Variants in PRKG1 observed in about 807,000 individuals in gnomAD.
The protein encoded by PRKG1 is cGMP-dependent protein kinase 1.
PRKG1 carries 35 observed loss-of-function variants against 88.1 expected under a neutral mutation model. That is an observed-to-expected ratio of 0.40 (90% CI 0.30 to 0.53). The LOEUF (loss-of-function observed/expected upper bound fraction) is 0.53, where lower values mean the gene tolerates loss of function less well. PRKG1 is among the 20% of genes least tolerant of loss of function. The pLI, the probability that PRKG1 is intolerant of heterozygous loss-of-function variation, is 0.59. For synonymous variants in PRKG1, 303 were observed against 292.5 expected, an observed-to-expected ratio of 1.04 and a Z score of -0.37; for missense variants, 540 against 839.8, an observed-to-expected ratio of 0.64 and a Z score of 4.41.
At chr10:51,852,552 T>G (rs1564675583) in intron 4 of PRKG1, among the ~76,000 whole-genome samples, 1 of 152,144 alleles carries the variant, frequency 6.6e-6, no homozygotes, top group Non-Finnish European at 1.5e-5. Flanking sequence ...GTTCACATAG[T>G]TGGTGAGTAC....
chr10:51,722,160 C>T (rs755625095), intron 3 of PRKG1, among the ~76,000 whole-genome samples: 2 of 150,830 alleles, frequency 1.3e-5, no homozygotes, highest in East Asian at 2.0e-4. Context: ...ACCTGGGAGG[C>T]GGAGGTTGCA....
At position 51,788,368 on chromosome 10, in the gene PRKG1, C is replaced by T. The variant is rs551429113; in HGVS notation, c.593-16217C>T. Reference sequence around the variant, plus strand: ...AGAAAAATCACAAGAAGGAAAATGGCATTCTCATAATGTGCCAAAGCAGAC... The same window carrying T: ...AGAAAAATCACAAGAAGGAAAATGGTATTCTCATAATGTGCCAAAGCAGAC... On this transcript the variant is annotated intron_variant, in intron 3 of 17. Transcript: ENST00000373980. Among the ~76,000 whole-genome samples the T allele has an allele frequency of 6.6e-5, 10 of 152,210 alleles. No homozygotes were observed. The East Asian group carries it at 1.7e-3, about 27-fold the overall frequency.
intron 1 of PRKG1, among the ~76,000 whole-genome samples, chr10:51,012,586 T>G (rs1288085885): frequency 3.3e-5 from 5 of 152,222 alleles, no homozygotes; most frequent in Admixed American, 6.5e-5. Context: ...TTTTAAAACA[T>G]ATTTGAAAGA....
At chr10:51,111,809 T>C (rs1844986003) in intron 1 of PRKG1, among the ~76,000 whole-genome samples, 1 of 152,102 alleles carries the variant, frequency 6.6e-6, no homozygotes, top group Non-Finnish European at 1.5e-5. Flanking sequence ...CGGAGAGGTG[T>C]TTTTACCCAA....
chr10:51,158,054 A>C (rs867035009), intron 2 of PRKG1, among the ~76,000 whole-genome samples: 2 of 151,894 alleles, frequency 1.3e-5, no homozygotes, highest in South Asian at 4.1e-4. Context: ...TTGGAAGTAC[A>C]TAATATATTA....
At chr10:51,017,855 G>T (rs543513681) in intron 1 of PRKG1, among the ~76,000 whole-genome samples, 54 of 151,724 alleles carry the variant, frequency 3.6e-4, no homozygotes, top group Non-Finnish European at 6.5e-4. Flanking sequence ...GCTGTAGTGT[G>T]GTGGCACTAT....
At chr10:51,971,302 ATTTAAT>A (rs1273812624) in intron 5 of PRKG1, among the ~76,000 whole-genome samples, 5 of 151,998 alleles carry the variant, frequency 3.3e-5, no homozygotes, top group Admixed American at 3.3e-4. Context: ...CTCTATGTCC[ATTTAAT>A]TTTAATTTAA....
intron 4 of PRKG1, among the ~76,000 whole-genome samples, chr10:51,886,659 C>A (rs533961792): frequency 1.3e-5 from 2 of 152,162 alleles, no homozygotes; most frequent in African/African-American, 4.8e-5. Flanking sequence ...GCATCTGGCT[C>A]GTTTTGCAGA....
chr10:52,013,039 T>C (rs7893146), intron 5 of PRKG1, among the ~76,000 whole-genome samples: 113,170 of 152,088 alleles, frequency 0.74, 42,429 homozygotes, highest in African/African-American at 0.81. Flanking sequence ...AATGTTGTAG[T>C]CTAATAAAAT....
chr10:51,023,700 C>G (rs1265536649), intron 1 of PRKG1, among the ~76,000 whole-genome samples: 1 of 152,160 alleles, frequency 6.6e-6, no homozygotes, highest in Non-Finnish European at 1.5e-5. Flanking sequence ...GGCATTTTCT[C>G]TAGGTTCTCA....
intron 1 of PRKG1, among the ~76,000 whole-genome samples, chr10:51,141,064 A>C (rs1845809061): frequency 6.6e-6 from 1 of 152,154 alleles, no homozygotes; most frequent in Admixed American, 6.6e-5. Flanking sequence ...TCTAGACCAC[A>C]GTTTTGCTCA....
At chr10:51,501,575 C>T (rs188340924) in intron 3 of PRKG1, among the ~76,000 whole-genome samples, 418 of 152,168 alleles carry the variant, frequency 2.7e-3, no homozygotes, top group African/African-American at 9.6e-3. Context: ...TTGTTTATTT[C>T]TATTGTACCA....
At chr10:52,095,866 A>G (rs980254063) in intron 7 of PRKG1, among the ~76,000 whole-genome samples, 2 of 152,192 alleles carry the variant, frequency 1.3e-5, no homozygotes, top group African/African-American at 2.4e-5. Context: ...AATGTAATGT[A>G]CTTTCTAACT....
intron 3 of PRKG1, among the ~76,000 whole-genome samples, chr10:51,481,491 C>T (rs572327703): frequency 5.1e-4 from 78 of 152,204 alleles, no homozygotes; most frequent in Admixed American, 4.4e-3. Context: ...TCAGATGATC[C>T]GCCCTCCCTG....
At chr10:51,113,750 C>CAAAA (rs1845035587) in intron 1 of PRKG1, among the ~76,000 whole-genome samples, 1 of 88,852 alleles carries the variant, frequency 1.1e-5, no homozygotes, top group Non-Finnish European at 2.4e-5. Context: ...AAAAAAAAAA[C>CAAAA]TAAAAGAAGA....
rs150127485 is a variant in PRKG1, at chr10:51,060,581, C to G, written c.266+68937C>G. Among the ~76,000 whole-genome samples, 705 of 152,226 alleles carry G rather than the reference C, an allele frequency of 4.6e-3. 6 individuals carry two copies. Among genetic ancestry groups the G allele is most frequent in the African/African-American group, 9.9e-3 (413 of 41,552 alleles). ...CTCAGACAGTGAAATGACCTAACAA[C>G]ATTCAACTCTATTAGCCCCTTACTC... On this transcript the variant is annotated intron_variant, in intron 1 of 17. Transcript: ENST00000401604.
chr10:51,946,155 A>G (rs1164060228), intron 5 of PRKG1, among the ~76,000 whole-genome samples: 2 of 151,870 alleles, frequency 1.3e-5, no homozygotes, highest in Non-Finnish European at 2.9e-5. Flanking sequence ...GGCTTTGTTC[A>G]TTTCTTTTTA....
chr10:52,015,542 C>G (rs1265396864), intron 5 of PRKG1, among the ~76,000 whole-genome samples: 9 of 152,158 alleles, frequency 5.9e-5, no homozygotes, highest in African/African-American at 2.2e-4. Context: ...TTTCCATTGT[C>G]TTGGCTATTA....
At chr10:51,667,130 A>G (rs181711250) in intron 3 of PRKG1, among the ~76,000 whole-genome samples, 25 of 152,298 alleles carry the variant, frequency 1.6e-4, no homozygotes, top group Admixed American at 1.4e-3. Flanking sequence ...AGACTCCAAA[A>G]TATTGTTAAT....
Sources: gnomAD v4.1 joint callset for allele counts (sites outside exome capture counted in the v4.1 genomes callset) on GRCh38, gnomAD v4.1.1 for gene constraint, MANE v1.5 for transcripts, NCBI Gene and HGNC (gene_info 2026-07-23, HGNC 2026-07-21) for gene names.